The following GAS2 variants were observed in gnomAD, a reference collection of about 807,000 sequenced individuals.
GAS2 encodes growth arrest-specific protein 2.
In GAS2, 20 loss-of-function variants were observed where a neutral mutation model predicts 37.5. The observed-to-expected ratio is 0.53, with a 90% CI of 0.37 to 0.77. The LOEUF (loss-of-function observed/expected upper bound fraction) is 0.77. GAS2 is among the 30% of genes least tolerant of loss of function. The pLI, the probability that GAS2 is intolerant of heterozygous loss-of-function variation, is 0.00. For synonymous variants in GAS2, 144 were observed against 132.2 expected, an observed-to-expected ratio of 1.09 and a Z score of -0.61; for missense variants, 336 against 373.4, an observed-to-expected ratio of 0.90 and a Z score of 0.82.
At chr11:22,737,060 T>G (rs1852794127) in intron 4 of GAS2, among the ~76,000 whole-genome samples, 1 of 152,162 alleles carries the variant, frequency 6.6e-6, no homozygotes, top group African/African-American at 2.4e-5. Context: ...TTTGCTTCTG[T>G]GATGGGCAAA....
intron 7 of GAS2, among the ~76,000 whole-genome samples, chr11:22,792,343 C>T (rs922870372): frequency 6.6e-6 from 1 of 152,104 alleles, no homozygotes; most frequent in African/African-American, 2.4e-5. Context: ...ACATTTTTCT[C>T]TACTACCTGT....
chr11:22,715,387 G>A (rs1851616525), intron 3 of GAS2, among the ~76,000 whole-genome samples: 1 of 149,040 alleles, frequency 6.7e-6, no homozygotes, highest in African/African-American at 2.5e-5. Flanking sequence ...CTTGAACCCG[G>A]GAGGCGGAGG....
intron 1 of GAS2, among the ~76,000 whole-genome samples, chr11:22,648,560 G>T (rs1170989561): frequency 6.6e-6 from 1 of 152,150 alleles, no homozygotes; most frequent in African/African-American, 2.4e-5. Context: ...CCATGAGCAT[G>T]GAATGTTCTT....
At chr11:22,634,295 A>G (rs1006999735) in intron 1 of GAS2, among the ~76,000 whole-genome samples, 1 of 152,160 alleles carries the variant, frequency 6.6e-6, no homozygotes, top group African/African-American at 2.4e-5. Flanking sequence ...GTTATCTCCC[A>G]CTGGGTTCCT....
chr11:22,716,104 A>G (rs118138298), intron 3 of GAS2, among the ~76,000 whole-genome samples: 8,740 of 152,266 alleles, frequency 0.057, 291 homozygotes, highest in Middle Eastern at 0.13. Flanking sequence ...CGATCATCTC[A>G]GTAGATGCAG....
At chr11:22,686,034 T>A (rs1199166274) in intron 3 of GAS2, among the ~76,000 whole-genome samples, 2 of 152,180 alleles carry the variant, frequency 1.3e-5, no homozygotes, top group Non-Finnish European at 2.9e-5. Context: ...ATTAAAAGAG[T>A]ATTGTGTATA....
intron 4 of GAS2, among the ~76,000 whole-genome samples, chr11:22,730,751 T>C (rs1476220682): frequency 1.3e-5 from 2 of 151,766 alleles, no homozygotes; most frequent in Non-Finnish European, 3.0e-5. Flanking sequence ...AATTAACTTT[T>C]AGTTGTAGAG....
intron 1 of GAS2, 133 bp from the exon 2 acceptor site, chr11:22,674,717 C>G (rs1461623128): frequency 3.2e-6 from 2 of 632,300 alleles, no homozygotes; most frequent in African/African-American, 3.7e-5. Flanking sequence ...AATAGTGTTT[C>G]ATGGGGTTAA....
At chr11:22,637,930 G>A (rs935595936) in intron 1 of GAS2, among the ~76,000 whole-genome samples, 20 of 151,440 alleles carry the variant, frequency 1.3e-4, no homozygotes, top group African/African-American at 4.4e-4. Context: ...AACAAAACCT[G>A]TTTAGAATTA....
intron 3 of GAS2, among the ~76,000 whole-genome samples, chr11:22,709,904 T>C (rs532589711): frequency 8.0e-5 from 12 of 150,840 alleles, no homozygotes; most frequent in Middle Eastern, 3.5e-3. Context: ...AGTAAACTAT[T>C]GCAAGGACAA....
intron 3 of GAS2, among the ~76,000 whole-genome samples, chr11:22,721,322 G>T (rs1021939817): frequency 6.6e-6 from 1 of 152,138 alleles, no homozygotes; most frequent in South Asian, 2.1e-4. Context: ...TCCAGATGCA[G>T]ATTATTACAA....
chr11:22,765,727 C>G (rs763227613), intron 7 of GAS2, among the ~76,000 whole-genome samples: 1 of 150,972 alleles, frequency 6.6e-6, no homozygotes, highest in Non-Finnish European at 1.5e-5. Flanking sequence ...TGCAGTGTGC[C>G]GAGATCGTGC....
Position 22,685,707 on chromosome 11 carries a change from A to C in GAS2, c.185A>C (p.Asp62Ala). ...GCAGAAACTTTTATGGAGAAGTTGG[A>C]CAATGGTGCCTTGCTCTGTCAACTT... is the stretch of plus-strand genomic sequence containing the variant. ...ITAETFMEKL[D>A]NGALLCQLAE... Residue 62 changes from aspartate (D) to alanine (A), a missense_variant, in exon 3 of 8, where the codon GAC (aspartate) becomes GCC (alanine). Transcript: ENST00000454584. 4 of 1,613,758 alleles carry C rather than the reference A, an allele frequency of 2.5e-6. No homozygotes were observed. The highest frequency in any genetic ancestry group is 3.4e-6 in the Non-Finnish European group (4 of 1,179,778).
chr11:22,635,016 G>C (rs533149334), intron 1 of GAS2, among the ~76,000 whole-genome samples: 2 of 152,320 alleles, frequency 1.3e-5, no homozygotes, highest in East Asian at 3.9e-4. Flanking sequence ...GCCAACAGAT[G>C]CTGTAATGGA....
chr11:22,710,501 GTC>G (rs1851350195), intron 3 of GAS2, among the ~76,000 whole-genome samples: 1 of 135,866 alleles, frequency 7.4e-6, no homozygotes. Flanking sequence ...GTGTGTGTGT[GTC>G]TGTGTGTGTC....
At chr11:22,668,277 T>C (rs1849060845) in intron 1 of GAS2, 1 of 152,564 alleles carries the variant, frequency 6.6e-6, no homozygotes, top group Non-Finnish European at 1.5e-5. Context: ...GCGGTGAAGG[T>C]GGTGGCTCTG....
chr11:22,644,995 A>G (rs1393850935), intron 1 of GAS2, among the ~76,000 whole-genome samples: 1 of 152,122 alleles, frequency 6.6e-6, no homozygotes, highest in Admixed American at 6.5e-5. Context: ...AGAATTTTCT[A>G]TCTTATTGAT....
At chr11:22,764,295 T>C (rs2134387098) in intron 7 of GAS2, among the ~76,000 whole-genome samples, 1 of 152,234 alleles carries the variant, frequency 6.6e-6, no homozygotes, top group South Asian at 2.1e-4. Flanking sequence ...GCACGGCGGA[T>C]CATGCCTGTA....
intron 3 of GAS2, among the ~76,000 whole-genome samples, chr11:22,690,306 A>G (rs1283254340): frequency 6.6e-6 from 1 of 152,212 alleles, no homozygotes; most frequent in Non-Finnish European, 1.5e-5. Context: ...ACTCTTTTAT[A>G]TCCAGCTTTG....
Sources: allele counts gnomAD v4.1 joint callset (sites outside exome capture counted in the v4.1 genomes callset), GRCh38; gene constraint gnomAD v4.1.1; transcripts MANE v1.5; gene names NCBI Gene and HGNC (gene_info 2026-07-23, HGNC 2026-07-21).